The following UNC79 variants were observed in gnomAD, a reference collection of about 807,000 sequenced individuals.
The protein encoded by UNC79 is unc-79 subunit of NALCN channel complex, also known as protein unc-79 homolog.
A neutral mutation model predicts 283.1 loss-of-function variants in UNC79; 37 were observed. That is an observed-to-expected ratio of 0.13 (90% CI 0.10 to 0.17). The LOEUF is 0.17. Among genes scored for constraint, UNC79 ranks in the 10% least tolerant of loss-of-function variants. The probability of loss-of-function intolerance (pLI) is 1.00; values close to 1 mark genes in which losing one functional copy is unlikely to be tolerated. For synonymous variants in UNC79, 1,107 were observed against 1,200.2 expected (o/e 0.92, Z 1.61); for missense variants, 2,272 against 3,211.1 (o/e 0.71, Z 7.07).
chr14:93,495,398 G>A (rs1378275236), intron 5 of UNC79, among the ~76,000 whole-genome samples: 1 of 152,208 alleles, frequency 6.6e-6, no homozygotes, highest in African/African-American at 2.4e-5. Context: ...CACGGGAACA[G>A]CATGGGGCAA....
intron 20 of UNC79, among the ~76,000 whole-genome samples, chr14:93,583,425 T>C (rs1250058223): frequency 6.6e-6 from 1 of 152,172 alleles, no homozygotes; most frequent in Non-Finnish European, 1.5e-5. Flanking sequence ...GCAGCAGATA[T>C]TATTAGGGGA....
intron 17 of UNC79, among the ~76,000 whole-genome samples, chr14:93,576,979 C>T (rs922704958): frequency 6.9e-6 from 1 of 144,102 alleles, no homozygotes; most frequent in Non-Finnish European, 1.6e-5. Flanking sequence ...GACCTTGTCT[C>T]TACAAAAAAA....
At chr14:93,597,520 A>G (rs1215045988) in exon 24 of UNC79, 10 of 1,612,910 alleles carry the variant, frequency 6.2e-6, no homozygotes, top group African/African-American at 2.7e-5. Context: ...GCTTGACACC[A>G]TAAAGAGGCC....
At chr14:93,490,363 C>G (rs1385288951) in intron 5 of UNC79, among the ~76,000 whole-genome samples, 1 of 152,206 alleles carries the variant, frequency 6.6e-6, no homozygotes, top group Non-Finnish European at 1.5e-5. Context: ...TTTTCCAAAT[C>G]TTTAAGTCTT....
At chr14:93,519,404 A>T (rs2140947360) in intron 7 of UNC79, among the ~76,000 whole-genome samples, 1 of 151,920 alleles carries the variant, frequency 6.6e-6, no homozygotes, top group South Asian at 2.1e-4. Flanking sequence ...TTTATAATTT[A>T]GCTATGTTTT....
At chr14:93,567,010 A>G (rs2062933585) in intron 14 of UNC79, among the ~76,000 whole-genome samples, 1 of 152,214 alleles carries the variant, frequency 6.6e-6, no homozygotes, top group African/African-American at 2.4e-5. Flanking sequence ...GCCTCCTTAC[A>G]TCCTTTGGCC....
intron 1 of UNC79, among the ~76,000 whole-genome samples, chr14:93,373,490 G>T (rs1285146050): frequency 1.3e-5 from 2 of 151,830 alleles, no homozygotes; most frequent in Admixed American, 1.3e-4. Flanking sequence ...GACATTAAAA[G>T]GATAATAAAG....
At chr14:93,524,404 G>A (rs2060456032) in intron 8 of UNC79, among the ~76,000 whole-genome samples, 1 of 152,196 alleles carries the variant, frequency 6.6e-6, no homozygotes, top group South Asian at 2.1e-4. Context: ...AATCATGAGT[G>A]CTTATGCAAA....
At chr14:93,364,402 C>T (rs1342310314) in intron 1 of UNC79, among the ~76,000 whole-genome samples, 1 of 151,680 alleles carries the variant, frequency 6.6e-6, no homozygotes, top group African/African-American at 2.4e-5. Flanking sequence ...TGAGATTTAT[C>T]CATATTGTAG....
intron 26 of UNC79, among the ~76,000 whole-genome samples, chr14:93,605,643 T>C (rs2065831663): frequency 6.6e-6 from 1 of 152,230 alleles, no homozygotes; most frequent in Admixed American, 6.5e-5. Context: ...CTCCCACCTA[T>C]GTATCATGCT....
At chr14:93,542,758 T>A in intron 14 of UNC79, 62 bp downstream of exon 14, 2 of 1,541,392 alleles carry the variant, frequency 1.3e-6, no homozygotes, top group Non-Finnish European at 1.8e-6. Context: ...AAGTGCTGCC[T>A]TAGCCATGTG....
intron 1 of UNC79, chr14:93,347,251 T>A (rs769238297): frequency 6.3e-7 from 1 of 1,590,370 alleles, no homozygotes; most frequent in Non-Finnish European, 8.6e-7. Context: ...CGCCTGGCTT[T>A]GTCTCACCTG....
chr14:93,487,697 T>C, exon 5 of UNC79: 2 of 1,614,028 alleles, frequency 1.2e-6, no homozygotes, highest in Non-Finnish European at 8.5e-7. Flanking sequence ...TACCTGCCCA[T>C]GTTAACCTCT....
At chr14:93,629,356 A>C (rs2067839224) in intron 30 of UNC79, among the ~76,000 whole-genome samples, 1 of 152,258 alleles carries the variant, frequency 6.6e-6, no homozygotes, top group Non-Finnish European at 1.5e-5. Context: ...AGTGCAGGCC[A>C]GTAAGGGTAA....
At chr14:93,527,117 G>A (rs1052493961) in intron 8 of UNC79, among the ~76,000 whole-genome samples, 2 of 152,176 alleles carry the variant, frequency 1.3e-5, no homozygotes, top group African/African-American at 2.4e-5. Flanking sequence ...TAAAGTTTAC[G>A]ATATCATACT....
In UNC79 at chr14:93,615,709, A is replaced by T. The variant is rs201022255; in HGVS notation, c.4042-1413A>T. 5.2e-4 allele frequency among the ~76,000 whole-genome samples: 67 copies of T among 128,104 alleles called. No individual in the cohort carries two copies. The East Asian group carries it at 0.011, about 22-fold the overall frequency. The allele number at this position is 128,104 out of a possible 152,430, so 84.0% of individuals were successfully genotyped here. On this transcript the variant is annotated intron_variant, in intron 27 of 48. Transcript: ENST00000555664. Reference sequence around the variant, plus strand: ...AAACTCCAGCCTGGGTGACAGAGTGAGACTCCATCTCAAAAAAAAAAAAAA... The same window carrying T: ...AAACTCCAGCCTGGGTGACAGAGTGTGACTCCATCTCAAAAAAAAAAAAAA...
chr14:93,363,576 A>G (rs1022351231), intron 1 of UNC79, among the ~76,000 whole-genome samples: 4 of 152,102 alleles, frequency 2.6e-5, no homozygotes, highest in African/African-American at 9.7e-5. Context: ...GAAGTCTCCC[A>G]CTGTTATTGT....
chr14:93,467,628 CTTTTTTTTTTTTTTT>C lies in UNC79; in HGVS notation c.23-27_23-13del, dbSNP rs398026224. On this transcript the variant is annotated intron_variant, in intron 1 of 48. Coordinates refer to ENST00000555664, the Ensembl canonical transcript of UNC79. Reference sequence around the variant, plus strand: ...ATTCTTCTCTTTCTTTTTCTTCTTCCTTTTTTTTTTTTTTTTTTTTTTTTTTTTTTGCTTTTATCT... The same window carrying C: ...ATTCTTCTCTTTCTTTTTCTTCTTCCTTTTTTTTTTTTTTTGCTTTTATCT... 1.7e-3 allele frequency: 1,265 copies of C among 762,464 alleles called. 5 individuals are homozygous for C. Among genetic ancestry groups the C allele is most frequent in the African/African-American group, 0.016 (308 of 18,834 alleles). 47.2% of individuals were successfully genotyped at this position (762,464 alleles called of 1,614,324 possible). A position where few individuals can be genotyped will look rare whatever the true frequency, so the allele number is the denominator to read the frequency against.
chr14:93,528,855 A>G (rs1298268407), intron 9 of UNC79, among the ~76,000 whole-genome samples: 1 of 152,232 alleles, frequency 6.6e-6, no homozygotes, highest in African/African-American at 2.4e-5. Context: ...TTTATGTGAC[A>G]TGAGAAGAAG....
Sources: gnomAD v4.1 joint callset for allele counts (sites outside exome capture counted in the v4.1 genomes callset) on GRCh38, gnomAD v4.1.1 for gene constraint, MANE v1.5 for transcripts, NCBI Gene and HGNC (gene_info 2026-07-23, HGNC 2026-07-21) for gene names.